The following RNF145 variants were observed in gnomAD, a reference collection of about 807,000 sequenced individuals.
RNF145 encodes the protein ring finger protein 145.
A neutral mutation model predicts 57.3 loss-of-function variants in RNF145; 12 were observed. The ratio of observed to expected loss-of-function variants is 0.21; its 90% confidence interval spans 0.13 to 0.34. The LOEUF (loss-of-function observed/expected upper bound fraction) is 0.34. RNF145 is among the 10% of genes least tolerant of loss of function. The pLI, the probability that RNF145 is intolerant of heterozygous loss-of-function variation, is 1.00. For synonymous variants in RNF145, 262 were observed against 288.3 expected, an observed-to-expected ratio of 0.91 and a Z score of 0.92; for missense variants, 429 against 799.0, an observed-to-expected ratio of 0.54 and a Z score of 5.58.
intron 8 of RNF145, 120 bp downstream of exon 8, chr5:159,168,748 CCTAAG>C (rs1377365183): frequency 3.9e-6 from 2 of 508,022 alleles, no homozygotes; most frequent in African/African-American, 2.0e-5. Flanking sequence ...GTTGAATTAA[CCTAAG>C]CTAATACCAA....
chr5:159,162,260 A>G (rs372516081), intron 9 of RNF145, among the ~76,000 whole-genome samples: 2 of 152,160 alleles, frequency 1.3e-5, no homozygotes, highest in East Asian at 1.9e-4. Flanking sequence ...ACACACTCCA[A>G]ATAAGCTCTA....
At chr5:159,206,320 T>C (rs1785879231) in intron 1 of RNF145, among the ~76,000 whole-genome samples, 1 of 152,190 alleles carries the variant, frequency 6.6e-6, no homozygotes, top group Admixed American at 6.5e-5. Context: ...AAGCTGGTCA[T>C]GTATAAAGGC....
chr5:159,180,349 A>T (rs1784849965), intron 4 of RNF145, among the ~76,000 whole-genome samples: 1 of 151,980 alleles, frequency 6.6e-6, no homozygotes, highest in Non-Finnish European at 1.5e-5. Flanking sequence ...GGGAATCTGG[A>T]AGGTCAATCC....
chr5:159,209,679 G>T, upstream of RNF145: 1 of 947,662 alleles, frequency 1.1e-6, no homozygotes, highest in Non-Finnish European at 1.4e-6. Flanking sequence ...CACCGCCTCC[G>T]GTGCGTGGGC....
chr5:159,194,723 T>C lies in RNF145; in HGVS notation c.286A>G (p.Ile96Val), dbSNP rs1785396972. 6.3e-7 allele frequency: 1 copy of C among 1,595,840 alleles called. No homozygotes were observed. Among genetic ancestry groups the C allele is most frequent in the South Asian group, 1.1e-5 (1 of 89,138 alleles). ...TALLLYAGHQISRDYVRSELE... is the reference protein window; with the variant it reads ...TALLLYAGHQVSRDYVRSELE... Reference sequence around the variant, plus strand: ...ATGGGGTCATATTCTTACCTGGAAATTTGATGTCCAGCATAGAGGAGCAGA... The same window carrying C: ...ATGGGGTCATATTCTTACCTGGAAACTTGATGTCCAGCATAGAGGAGCAGA... The change falls in exon 3 of 11, where the codon ATT becomes GTT. Residue 96 changes from isoleucine (I) to valine (V), a missense_variant. By Grantham distance (29) the Ile-to-Val change is conservative (BLOSUM62 3). Transcript: ENST00000424310.
At chr5:159,192,027 C>T (rs1360142928) in intron 3 of RNF145, among the ~76,000 whole-genome samples, 1 of 151,072 alleles carries the variant, frequency 6.6e-6, no homozygotes, top group Non-Finnish European at 1.5e-5. Context: ...GTGGATTCAA[C>T]CAACCAAGAA....
Position 159,182,013 on chromosome 5 carries a change from C to T in RNF145, c.332G>A (p.Gly111Glu), listed in dbSNP as rs1421998487. The T allele has an allele frequency of 1.2e-6, 2 of 1,609,708 alleles. No individual in the cohort carries two copies. Among genetic ancestry groups the T allele is most frequent in the South Asian group, 1.1e-5 (1 of 90,938 alleles). ...AGAGAGAGGTTCTAAATACATTGGT[C>T]CCTCATAGGCAAACTCCAGTTCACT... ...VRSELEFAYE[G>E]PMYLEPLSMN... The change falls in exon 4 of 11, where the codon GGA (glycine) becomes GAA (glutamate). Residue 111 changes from glycine (G) to glutamate (E), a missense_variant. By Grantham distance (98) the Gly-to-Glu change is moderately conservative. Coordinates refer to ENST00000424310, the MANE Select transcript of RNF145 (RefSeq NM_001199383.2).
At chr5:159,188,982 A>G (rs1785184636) in intron 3 of RNF145, among the ~76,000 whole-genome samples, 1 of 152,204 alleles carries the variant, frequency 6.6e-6, no homozygotes, top group Non-Finnish European at 1.5e-5. Context: ...TTTAAGTACG[A>G]AATTAATTGT....
chr5:159,201,555 A>G (rs910211242), intron 2 of RNF145, among the ~76,000 whole-genome samples: 3 of 152,164 alleles, frequency 2.0e-5, no homozygotes, highest in Non-Finnish European at 4.4e-5. Flanking sequence ...TACTCAAGAG[A>G]GTCTTTAAGA....
chr5:159,196,906 A>G (rs1035741776), intron 2 of RNF145, among the ~76,000 whole-genome samples: 1 of 152,184 alleles, frequency 6.6e-6, no homozygotes, highest in African/African-American at 2.4e-5. Flanking sequence ...TTTCTCCTAT[A>G]TATCGCATAT....
intron 2 of RNF145, among the ~76,000 whole-genome samples, chr5:159,198,466 GT>G (rs1247013806): frequency 6.6e-6 from 1 of 152,128 alleles, no homozygotes; most frequent in African/African-American, 2.4e-5. Context: ...GTAGCTTTGG[GT>G]ATGGAGCTGC....
intron 1 of RNF145, chr5:159,208,067 A>T (rs935066441): frequency 6.7e-7 from 1 of 1,489,110 alleles, no homozygotes; most frequent in African/African-American, 1.4e-5. Flanking sequence ...ACGCAAGGCC[A>T]TCCACTAATC....
At chr5:159,177,306 A>G (rs995195553) in intron 4 of RNF145, among the ~76,000 whole-genome samples, 1 of 152,108 alleles carries the variant, frequency 6.6e-6, no homozygotes, top group Non-Finnish European at 1.5e-5. Context: ...TACTGCAACA[A>G]TATTTGTTCT....
At chr5:159,205,048 T>G (rs920905568) in intron 1 of RNF145, among the ~76,000 whole-genome samples, 1 of 152,170 alleles carries the variant, frequency 6.6e-6, no homozygotes, top group Non-Finnish European at 1.5e-5. Context: ...TATTTCCATC[T>G]TACCCTCCAA....
intron 6 of RNF145, among the ~76,000 whole-genome samples, chr5:159,172,163 T>C (rs1468906071): frequency 1.3e-5 from 2 of 152,164 alleles, no homozygotes; most frequent in Non-Finnish European, 1.5e-5. Flanking sequence ...CTGTCTCTCT[T>C]TCTCTCTATA....
At chr5:159,188,583 T>C (rs1562066624) in intron 3 of RNF145, among the ~76,000 whole-genome samples, 2 of 152,120 alleles carry the variant, frequency 1.3e-5, no homozygotes, top group South Asian at 2.1e-4. Flanking sequence ...ACTAGAAAAA[T>C]ACATTCCCTA....
intron 3 of RNF145, among the ~76,000 whole-genome samples, chr5:159,192,696 C>A (rs1206315012): frequency 6.6e-6 from 1 of 152,022 alleles, no homozygotes; most frequent in Non-Finnish European, 1.5e-5. Flanking sequence ...TTACAACAGC[C>A]CCTTAAGATA....
At chr5:159,192,695 C>T (rs1260277580) in intron 3 of RNF145, among the ~76,000 whole-genome samples, 2 of 152,100 alleles carry the variant, frequency 1.3e-5, no homozygotes, top group African/African-American at 4.8e-5. Flanking sequence ...CTTACAACAG[C>T]CCCTTAAGAT....
At chr5:159,164,852 ATCC>A in intron 8 of RNF145, among the ~76,000 whole-genome samples, 1 of 152,218 alleles carries the variant, frequency 6.6e-6, no homozygotes, top group South Asian at 2.1e-4. Context: ...TAACTCACAC[ATCC>A]TCCTAAGCTA....
Sources: gnomAD v4.1 joint callset for allele counts (sites outside exome capture counted in the v4.1 genomes callset) on GRCh38, gnomAD v4.1.1 for gene constraint, MANE v1.5 for transcripts, NCBI Gene and HGNC (gene_info 2026-07-23, HGNC 2026-07-21) for gene names.